ADCY1: variants seen among roughly 807,000 people sequenced by gnomAD.
The protein encoded by ADCY1 is adenylate cyclase 1.
A neutral mutation model predicts 105.4 loss-of-function variants in ADCY1; 28 were observed. That is an observed-to-expected ratio of 0.27 (90% CI 0.20 to 0.36). The LOEUF (loss-of-function observed/expected upper bound fraction) is 0.36, where lower values mean the gene tolerates loss of function less well. Ranked by LOEUF, ADCY1 falls within the 10% of genes least tolerant of loss-of-function variation. The pLI, the probability that ADCY1 is intolerant of heterozygous loss-of-function variation, is 1.00. For synonymous variants in ADCY1, 655 were observed against 623.8 expected (o/e 1.05, Z -0.75); for missense variants, 977 against 1,434.2 (o/e 0.68, Z 5.15).
intron 8 of ADCY1, 21 bp downstream of exon 8, chr7:45,662,235 T>A (rs370825757): frequency 6.2e-7 from 1 of 1,607,166 alleles, no homozygotes; most frequent in South Asian, 1.1e-5. Flanking sequence ...CCAGGGAGCC[T>A]GCCATGCTGG....
chr7:45,707,991 G>A (rs964055117), intron 17 of ADCY1, among the ~76,000 whole-genome samples: 1 of 152,182 alleles, frequency 6.6e-6, no homozygotes, highest in African/African-American at 2.4e-5. Context: ...GAGGGAAATT[G>A]CCTACTCCCT....
At chr7:45,613,011 T>G (rs1793633167) in intron 3 of ADCY1, among the ~76,000 whole-genome samples, 1 of 152,020 alleles carries the variant, frequency 6.6e-6, no homozygotes. Flanking sequence ...TTGGGAGAGG[T>G]ACCTGCTTTG....
Position 45,575,328 on chromosome 7 carries a change from A to G in ADCY1, c.639+146A>G, listed in dbSNP as rs538774158. On this transcript the variant is annotated intron_variant, in intron 1 of 19. Transcript: ENST00000297323. This position sits in a 1 kb window ranked among gnomAD's most constrained non-coding sequence, Gnocchi z 4.7. ...TGGGGGTGTGTTCAAGGTCACTCCT[A>G]CGAGTTGGGGACGCAGTCGGGGCTG... The G allele has an allele frequency of 9.1e-5, 98 of 1,078,854 alleles. No homozygotes were observed. In the African/African-American group the frequency reaches 1.2e-3, roughly 13 times the overall value. The allele number at this position is 1,078,854 out of a possible 1,614,324, so 66.8% of individuals were successfully genotyped here.
chr7:45,604,719 T>C (rs1793329610), intron 2 of ADCY1, among the ~76,000 whole-genome samples: 1 of 152,198 alleles, frequency 6.6e-6, no homozygotes, highest in African/African-American at 2.4e-5. Context: ...GTCTGGATTA[T>C]TGTTGTTTTA....
rs1453969436 is a variant in ADCY1 at position 45,703,008 on chromosome 7, C to A, written c.2455-368C>A. On this transcript the variant is annotated intron_variant, in intron 14 of 19. Coordinates refer to ENST00000297323, the MANE Select transcript of ADCY1 (RefSeq NM_021116.4). The surrounding 1 kb of genome is among the most constrained non-coding windows in gnomAD (Gnocchi z 5.9). The stretch of plus-strand genomic sequence containing the variant: ...ATTCTAGGACAGGTGCCCTGCGGGG[C>A]ACATCAGGAGCTGCCTGGGGGCTGG... 6.6e-6 allele frequency among the ~76,000 whole-genome samples: 1 copy of A among 152,214 alleles called. No individual in the cohort carries two copies. The highest frequency in any genetic ancestry group is 1.5e-5 in the Non-Finnish European group (1 of 68,046).
chr7:45,664,464 G>T (rs954198980), intron 8 of ADCY1: 11 of 1,519,400 alleles, frequency 7.2e-6, no homozygotes, highest in Non-Finnish European at 9.7e-6. Context: ...ATTCACGCCA[G>T]CTCTGTTCTT....
chr7:45,664,441 T>C, intron 8 of ADCY1: 1 of 1,533,544 alleles, frequency 6.5e-7, no homozygotes, highest in Non-Finnish European at 8.7e-7. Flanking sequence ...CATCAGCCCT[T>C]ATCCCCCAGG....
intron 11 of ADCY1, 81 bp downstream of exon 11, chr7:45,679,874 C>T: frequency 6.7e-7 from 1 of 1,489,152 alleles, no homozygotes; most frequent in East Asian, 2.3e-5. Flanking sequence ...ACCTGCATAT[C>T]ACCTGGTCCA....
chr7:45,651,530 G>T (rs907892448), intron 5 of ADCY1, among the ~76,000 whole-genome samples: 4 of 152,194 alleles, frequency 2.6e-5, no homozygotes, highest in Non-Finnish European at 5.9e-5. Context: ...AGGTGAACAG[G>T]TGAAGTGGCC....
intron 8 of ADCY1, among the ~76,000 whole-genome samples, chr7:45,666,831 G>T (rs562080143): frequency 6.6e-6 from 1 of 152,336 alleles, no homozygotes; most frequent in East Asian, 1.9e-4. Context: ...TAAGTGGTGT[G>T]AGATGGTATC....
At chr7:45,670,327 C>G (rs1784341162) in intron 8 of ADCY1, among the ~76,000 whole-genome samples, 1 of 152,218 alleles carries the variant, frequency 6.6e-6, no homozygotes, top group Non-Finnish European at 1.5e-5. Context: ...CGTCACAGCC[C>G]AGGACTGTGA....
chr7:45,623,917 A>T (rs1024308171), intron 4 of ADCY1, among the ~76,000 whole-genome samples: 2 of 152,090 alleles, frequency 1.3e-5, no homozygotes, highest in Admixed American at 1.3e-4. Context: ...CTGCCCTGTG[A>T]GGGTGTGGGA....
intron 5 of ADCY1, among the ~76,000 whole-genome samples, chr7:45,651,074 A>G (rs1173412136): frequency 6.6e-6 from 1 of 152,090 alleles, no homozygotes; most frequent in African/African-American, 2.4e-5. Flanking sequence ...TGCCAGGGGC[A>G]TCTTCCTGGG....
chr7:45,592,924 C>G lies in ADCY1; in HGVS notation c.789+16C>G, dbSNP rs759104118. ...CGAGAAGCAGGTCAGTGGCTTGGGCCAGTCAGCCTAGAGGGGTTGGCTGTG... is the reference window on the plus strand; with the variant it reads ...CGAGAAGCAGGTCAGTGGCTTGGGCGAGTCAGCCTAGAGGGGTTGGCTGTG... On this transcript the variant is annotated intron_variant, in intron 2 of 19. Transcript: ENST00000297323. 2.5e-6 allele frequency: 4 copies of G among 1,614,054 alleles called. No homozygotes were observed. In the East Asian group the frequency reaches 8.9e-5, roughly 36 times the overall value.
intron 2 of ADCY1, among the ~76,000 whole-genome samples, chr7:45,602,642 T>C (rs991939980): frequency 6.6e-6 from 1 of 152,210 alleles, no homozygotes; most frequent in Admixed American, 6.5e-5. Context: ...GGCTGGCCAA[T>C]GGACAGCACC....
At chr7:45,623,180 C>G (rs1400459750) in intron 4 of ADCY1, among the ~76,000 whole-genome samples, 1 of 152,186 alleles carries the variant, frequency 6.6e-6, no homozygotes, top group Non-Finnish European at 1.5e-5. Flanking sequence ...CAGCTGGGGG[C>G]CCAGTTGCTG....
chr7:45,658,724 T>C (rs1795009425), intron 6 of ADCY1, among the ~76,000 whole-genome samples: 1 of 152,254 alleles, frequency 6.6e-6, no homozygotes, highest in Admixed American at 6.5e-5. Flanking sequence ...GCACAGACAC[T>C]TGCCTTTCTG....
intron 4 of ADCY1, among the ~76,000 whole-genome samples, chr7:45,635,607 T>G (rs1043647719): frequency 1.7e-4 from 23 of 132,294 alleles, no homozygotes; most frequent in Non-Finnish European, 3.1e-4. Flanking sequence ...TCTTGTTTTT[T>G]TTTTTTTTTT....
chr7:45,617,008 G>A (rs1433875554), intron 3 of ADCY1, among the ~76,000 whole-genome samples: 1 of 152,226 alleles, frequency 6.6e-6, no homozygotes, highest in African/African-American at 2.4e-5. Flanking sequence ...ATCTTAGAAA[G>A]CAGCTGGGAG....
Sources: gnomAD v4.1 joint callset for allele counts (sites outside exome capture counted in the v4.1 genomes callset) on GRCh38, gnomAD v4.1.1 for gene constraint, Gnocchi (gnomAD v3.1) non-coding constraint, MANE v1.5 for transcripts, NCBI Gene and HGNC (gene_info 2026-07-23, HGNC 2026-07-21) for gene names.